Variants in SRBD1 observed in about 807,000 individuals in gnomAD.
The protein encoded by SRBD1 is S1 RNA-binding domain-containing protein 1.
In SRBD1, 88 loss-of-function variants were observed where a neutral mutation model predicts 115.3. The observed-to-expected ratio is 0.76, with a 90% CI of 0.64 to 0.91. The LOEUF (loss-of-function observed/expected upper bound fraction) is 0.91. Among genes scored for constraint, SRBD1 ranks in the 40% least tolerant of loss-of-function variants. SRBD1 has a pLI of 0.00. For synonymous variants in SRBD1, 509 were observed against 407.7 expected (o/e 1.25, Z -2.99); for missense variants, 1,385 against 1,177.4 (o/e 1.18, Z -2.58).
At chr2:45,569,158 T>C (rs1161212777) in intron 9 of SRBD1, 1 of 152,244 alleles carries the variant, frequency 6.6e-6, no homozygotes, top group Non-Finnish European at 1.5e-5. Flanking sequence ...TTCACATCTG[T>C]GTCATCTTAA....
chr2:45,436,075 T>C (rs894105062), intron 16 of SRBD1, among the ~76,000 whole-genome samples: 1 of 151,648 alleles, frequency 6.6e-6, no homozygotes, highest in African/African-American at 2.4e-5. Flanking sequence ...ATATAATATA[T>C]CTCAGGTATG....
intron 16 of SRBD1, among the ~76,000 whole-genome samples, chr2:45,467,009 A>T (rs766514478): frequency 2.0e-5 from 3 of 152,226 alleles, no homozygotes; most frequent in Non-Finnish European, 2.9e-5. Flanking sequence ...TTTTATATGC[A>T]TAGTCAAGTT....
At chr2:45,407,403 A>C (rs1667468523) in intron 19 of SRBD1, among the ~76,000 whole-genome samples, 1 of 152,204 alleles carries the variant, frequency 6.6e-6, no homozygotes, top group South Asian at 2.1e-4. Flanking sequence ...CCCTATTTGG[A>C]AATGAGTTCT....
chr2:45,474,879 C>A (rs1445392412), intron 16 of SRBD1, among the ~76,000 whole-genome samples: 4 of 152,092 alleles, frequency 2.6e-5, no homozygotes, highest in African/African-American at 7.2e-5. Flanking sequence ...CACATGTACA[C>A]CTTTTCTGTC....
At chr2:45,462,581 CAG>C (rs987836993) in intron 16 of SRBD1, among the ~76,000 whole-genome samples, 4 of 151,134 alleles carry the variant, frequency 2.6e-5, no homozygotes, top group Non-Finnish European at 5.9e-5. Context: ...AACACATCAG[CAG>C]AGTTAAAAGT....
intron 10 of SRBD1, among the ~76,000 whole-genome samples, chr2:45,560,660 T>C (rs148160139): frequency 3.9e-5 from 6 of 152,304 alleles, no homozygotes; most frequent in Non-Finnish European, 7.4e-5. Context: ...TTCTTAGGAG[T>C]TTCCTCTATG....
intron 19 of SRBD1, among the ~76,000 whole-genome samples, chr2:45,410,300 G>A (rs1667561339): frequency 6.6e-6 from 1 of 152,202 alleles, no homozygotes; most frequent in Non-Finnish European, 1.5e-5. Flanking sequence ...TGTAAAATGT[G>A]AAATGGTACG....
Position 45,434,596 on chromosome 2 carries a change from A to T in SRBD1, c.2050-14702T>A, listed in dbSNP as rs75338423. Among the ~76,000 whole-genome samples the T allele has an allele frequency of 7.2e-3, 1,098 of 152,254 alleles. 14 individuals carry two copies. Among genetic ancestry groups the T allele is most frequent in the African/African-American group, 0.025 (1,050 of 41,526 alleles). ...TGTTCTCAGATTTCCTATACAATCA[A>T]TTATGTGTTAGAATCAATTTAATCA... On this transcript the variant is annotated intron_variant, in intron 16 of 20. Transcript: ENST00000263736.
At chr2:45,544,811 TA>T (rs539990397) in intron 14 of SRBD1, among the ~76,000 whole-genome samples, 6 of 152,128 alleles carry the variant, frequency 3.9e-5, no homozygotes, top group African/African-American at 1.2e-4. Flanking sequence ...AACACACTCA[TA>T]AAAAAACATA....
At chr2:45,588,187 T>C (rs1230353909) in intron 4 of SRBD1, among the ~76,000 whole-genome samples, 1 of 152,238 alleles carries the variant, frequency 6.6e-6, no homozygotes, top group Non-Finnish European at 1.5e-5. Flanking sequence ...TTTCAAAATG[T>C]ATACTGGATG....
intron 19 of SRBD1, among the ~76,000 whole-genome samples, chr2:45,412,471 A>G (rs978269957): frequency 6.6e-6 from 1 of 152,190 alleles, no homozygotes; most frequent in African/African-American, 2.4e-5. Context: ...AGATTCAATA[A>G]AAGTTAAAAT....
intron 12 of SRBD1, among the ~76,000 whole-genome samples, chr2:45,550,719 A>C (rs1355376673): frequency 1.3e-5 from 2 of 152,244 alleles, no homozygotes; most frequent in Non-Finnish European, 2.9e-5. Context: ...GAAATGAAGA[A>C]TATCAGTGTA....
At chr2:45,507,236 T>C (rs1670825962) in intron 14 of SRBD1, among the ~76,000 whole-genome samples, 1 of 152,110 alleles carries the variant, frequency 6.6e-6, no homozygotes, top group African/African-American at 2.4e-5. Context: ...CATCTCATAA[T>C]TTCCAGTGTC....
chr2:45,457,029 T>C (rs1169599908), intron 16 of SRBD1, among the ~76,000 whole-genome samples: 3 of 151,920 alleles, frequency 2.0e-5, no homozygotes, highest in Admixed American at 6.6e-5. Flanking sequence ...CACTGGATAA[T>C]AGACCTGTAT....
intron 4 of SRBD1, among the ~76,000 whole-genome samples, chr2:45,587,606 A>C (rs938824490): frequency 3.3e-5 from 5 of 152,230 alleles, no homozygotes; most frequent in African/African-American, 1.2e-4. Flanking sequence ...GTCCAGATAC[A>C]TAACAGACTG....
At chr2:45,502,839 A>G (rs894448289) in intron 14 of SRBD1, among the ~76,000 whole-genome samples, 2 of 152,112 alleles carry the variant, frequency 1.3e-5, no homozygotes, top group African/African-American at 4.8e-5. Context: ...AAATTAAAAA[A>G]AAAAAGATAT....
intron 15 of SRBD1, among the ~76,000 whole-genome samples, chr2:45,487,072 G>A (rs1346461140): frequency 6.6e-6 from 1 of 152,098 alleles, no homozygotes; most frequent in Admixed American, 6.6e-5. Flanking sequence ...TTTAGAGAGG[G>A]AATTATGTCA....
At chr2:45,508,736 T>C (rs11904307) in intron 14 of SRBD1, among the ~76,000 whole-genome samples, 21,169 of 152,170 alleles carry the variant, frequency 0.14, 1,752 homozygotes, top group African/African-American at 0.22. Context: ...CTTTTTTTCT[T>C]AGAGGAAAAT....
chr2:45,608,824 T>C (rs1053922784), intron 1 of SRBD1, among the ~76,000 whole-genome samples: 2 of 143,280 alleles, frequency 1.4e-5, no homozygotes, highest in Middle Eastern at 6.5e-3. Context: ...AAAAAAAAAT[T>C]TTTTTTTTTT....
Sources: gnomAD v4.1 joint callset for allele counts (sites outside exome capture counted in the v4.1 genomes callset) on GRCh38, gnomAD v4.1.1 for gene constraint, MANE v1.5 for transcripts, NCBI Gene and HGNC (gene_info 2026-07-23, HGNC 2026-07-21) for gene names.